CDH4: variants seen among roughly 807,000 people sequenced by gnomAD.
The protein encoded by CDH4 is cadherin-4.
Under a neutral mutation model 86.0 loss-of-function variants are expected in CDH4, and 33 were observed. The ratio of observed to expected loss-of-function variants is 0.38; its 90% CI spans 0.29 to 0.51. The LOEUF is 0.51. Ranked by LOEUF, CDH4 falls within the 20% of genes least tolerant of loss-of-function variation. CDH4 has a pLI of 0.86. For missense variants in CDH4, 1,114 were observed against 1,307.4 expected (o/e 0.85, Z 2.28); for synonymous variants, 555 against 549.4 (o/e 1.01, Z -0.14).
chr20:61,339,741 A>G (rs936909599), intron 2 of CDH4, among the ~76,000 whole-genome samples: 2 of 152,142 alleles, frequency 1.3e-5, no homozygotes, highest in African/African-American at 4.8e-5. Context: ...TGCCATGGAC[A>G]CCTAGATATT....
chr20:61,792,889 T>C (rs1450576067), intron 4 of CDH4, among the ~76,000 whole-genome samples: 1 of 152,204 alleles, frequency 6.6e-6, no homozygotes, highest in African/African-American at 2.4e-5. Flanking sequence ...GACCTTGTGA[T>C]CCACCCGCCT....
At chr20:61,622,818 G>A (rs972125784) in intron 2 of CDH4, among the ~76,000 whole-genome samples, 5 of 152,286 alleles carry the variant, frequency 3.3e-5, no homozygotes, top group South Asian at 2.1e-4. Context: ...ATCTCCAAAC[G>A]TTGCCCCATC....
At chr20:61,556,174 G>T (rs529324238) in intron 2 of CDH4, among the ~76,000 whole-genome samples, 1 of 152,334 alleles carries the variant, frequency 6.6e-6, no homozygotes, top group Non-Finnish European at 1.5e-5. Context: ...GTGCATTTGT[G>T]CATTGGTGTT....
At chr20:61,682,239 TG>T (rs1451433117) in intron 2 of CDH4, among the ~76,000 whole-genome samples, 10 of 149,560 alleles carry the variant, frequency 6.7e-5, no homozygotes, top group Non-Finnish European at 1.5e-4. Flanking sequence ...GATGGATGGT[TG>T]GACAAGTGGA....
At chr20:61,652,902 G>A (rs943060427) in intron 2 of CDH4, among the ~76,000 whole-genome samples, 2 of 144,960 alleles carry the variant, frequency 1.4e-5, no homozygotes, top group Non-Finnish European at 1.5e-5. Flanking sequence ...CTCTCCCAAA[G>A]GTTACCAGTG....
At chr20:61,596,722 T>C (rs2086559875) in intron 2 of CDH4, among the ~76,000 whole-genome samples, 2 of 152,184 alleles carry the variant, frequency 1.3e-5, no homozygotes, top group Non-Finnish European at 2.9e-5. Context: ...ATAATAATGA[T>C]GAATAACATC....
intron 2 of CDH4, among the ~76,000 whole-genome samples, chr20:61,330,807 C>T (rs899604415): frequency 6.6e-6 from 1 of 152,176 alleles, no homozygotes; most frequent in Non-Finnish European, 1.5e-5. Flanking sequence ...TTCTCTCATC[C>T]CTTCCAATCG....
At chr20:61,664,828 G>A (rs2087305060) in intron 2 of CDH4, among the ~76,000 whole-genome samples, 1 of 152,200 alleles carries the variant, frequency 6.6e-6, no homozygotes, top group African/African-American at 2.4e-5. Flanking sequence ...ATAATCTGTT[G>A]CTCTAATGTG....
chr20:61,371,402 T>C (rs931512097), intron 2 of CDH4, among the ~76,000 whole-genome samples: 23 of 152,208 alleles, frequency 1.5e-4, no homozygotes, highest in African/African-American at 5.5e-4. Flanking sequence ...AATACCTCAA[T>C]ACACACGACT....
Position 61,425,874 on chromosome 20 carries a change from G to A in CDH4, c.169+170937G>A, listed in dbSNP as rs528021112. Among the ~76,000 whole-genome samples, 7 of 151,294 alleles carry A rather than the reference G, an allele frequency of 4.6e-5. No homozygotes were observed. The South Asian group carries it at 1.5e-3, about 32-fold the overall frequency. ...TCAAAGGCCCCGCCCAGGGCAGAAT[G>A]GCCAATTGCAGGACGTTCTCGAGGG... On this transcript the variant is annotated intron_variant, in intron 2 of 15. Coordinates refer to ENST00000614565, the MANE Select transcript of CDH4 (RefSeq NM_001794.5).
At chr20:61,770,912 G>T (rs923802469) in intron 3 of CDH4, among the ~76,000 whole-genome samples, 10 of 149,824 alleles carry the variant, frequency 6.7e-5, no homozygotes, top group African/African-American at 2.2e-4. Context: ...AAAGGTAAAA[G>T]GAAGGAAGTA....
At chr20:61,730,195 G>T (rs528734361) in intron 2 of CDH4, among the ~76,000 whole-genome samples, 3 of 152,264 alleles carry the variant, frequency 2.0e-5, no homozygotes, top group South Asian at 2.1e-4. Flanking sequence ...GCTCTGTCTT[G>T]GTGTGGCGGA....
intron 2 of CDH4, among the ~76,000 whole-genome samples, chr20:61,378,123 G>GCA (rs1483232709): frequency 2.0e-5 from 3 of 152,138 alleles, no homozygotes; most frequent in African/African-American, 7.2e-5. Flanking sequence ...GCATGGTGGT[G>GCA]CACGCCTGTA....
At chr20:61,559,937 T>A (rs1284558223) in intron 2 of CDH4, among the ~76,000 whole-genome samples, 4 of 152,144 alleles carry the variant, frequency 2.6e-5, no homozygotes, top group African/African-American at 4.8e-5. Flanking sequence ...GTGGAGGCCC[T>A]CGGCTGCATG....
chr20:61,784,333 TCGGGACAG>T, intron 4 of CDH4, among the ~76,000 whole-genome samples: 6 of 17,072 alleles, frequency 3.5e-4, no homozygotes, highest in South Asian at 2.6e-3. Flanking sequence ...TCCCAGTTCC[TCGGGACAG>T]TTCTCAAGGC....
At chr20:61,809,986 A>ATCGTAT (rs1161810599) in intron 4 of CDH4, among the ~76,000 whole-genome samples, 1 of 152,210 alleles carries the variant, frequency 6.6e-6, no homozygotes, top group African/African-American at 2.4e-5. Flanking sequence ...GTAGAAGACC[A>ATCGTAT]TCGTATCAGT....
chr20:61,571,055 G>T (rs1171159102), intron 2 of CDH4, among the ~76,000 whole-genome samples: 1 of 152,180 alleles, frequency 6.6e-6, no homozygotes, highest in Admixed American at 6.5e-5. Context: ...CTCCAAGGGG[G>T]CAAGGCCTGT....
At chr20:61,550,769 T>C (rs2086123724) in intron 2 of CDH4, among the ~76,000 whole-genome samples, 1 of 152,176 alleles carries the variant, frequency 6.6e-6, no homozygotes, top group South Asian at 2.1e-4. Context: ...TGTTGCCTTC[T>C]GGATTAGGAC....
intron 2 of CDH4, among the ~76,000 whole-genome samples, chr20:61,654,238 C>T (rs980064060): frequency 1.3e-5 from 2 of 152,156 alleles, no homozygotes; most frequent in Non-Finnish European, 2.9e-5. Context: ...GCCCGGCCAA[C>T]ACAGCGAAAC....
Sources: gnomAD v4.1 joint callset for allele counts (sites outside exome capture counted in the v4.1 genomes callset) on GRCh38, gnomAD v4.1.1 for gene constraint, MANE v1.5 for transcripts, NCBI Gene and HGNC (gene_info 2026-07-23, HGNC 2026-07-21) for gene names.